The following RIT2 variants were observed in gnomAD, a reference collection of about 807,000 sequenced individuals.
The protein encoded by RIT2 is Ras like without CAAX 2.
A neutral mutation model predicts 23.7 loss-of-function variants in RIT2; 24 were observed. The ratio of observed to expected loss-of-function variants is 1.01; its 90% confidence interval spans 0.73 to 1.43. RIT2 has a LOEUF of 1.43. Ranked by LOEUF, RIT2 falls within the 40% of genes most tolerant of loss-of-function variation. The pLI, the probability that RIT2 is intolerant of heterozygous loss-of-function variation, is 0.00. For synonymous variants in RIT2, 107 were observed against 91.1 expected (o/e 1.17, Z -0.99); for missense variants, 236 against 266.9 (o/e 0.88, Z 0.81).
chr18:42,788,255 T>C lies in RIT2; in HGVS notation c.427-44535A>G, dbSNP rs1183585991. On this transcript the variant is annotated intron_variant, in intron 4 of 4. Transcript: ENST00000326695. The stretch of plus-strand genomic sequence containing the variant: ...GCTAATATATTGTTTAGTTAAAATA[T>C]ACGGAGAAAATCTGAGATCACACAG... Among the ~76,000 whole-genome samples the C allele has an allele frequency of 2.0e-5, 3 of 152,302 alleles. No homozygotes were observed. In the East Asian group the frequency reaches 5.8e-4, roughly 29 times the overall value.
chr18:42,756,823 G>A (rs1477451821), intron 4 of RIT2, among the ~76,000 whole-genome samples: 1 of 151,548 alleles, frequency 6.6e-6, no homozygotes, highest in Non-Finnish European at 1.5e-5. Flanking sequence ...GCCTAAAAAT[G>A]TACTCTTTGA....
At chr18:42,890,471 A>T (rs1598701938) in intron 4 of RIT2, among the ~76,000 whole-genome samples, 1 of 142,470 alleles carries the variant, frequency 7.0e-6, no homozygotes, top group South Asian at 2.6e-4. Context: ...ACAGAAGGAA[A>T]GAAGGAAAAG....
At chr18:42,985,043 T>C (rs1395235992) in intron 2 of RIT2, among the ~76,000 whole-genome samples, 3 of 152,036 alleles carry the variant, frequency 2.0e-5, no homozygotes, top group African/African-American at 4.8e-5. Flanking sequence ...AAAGAAGCTA[T>C]AGAAAAACTA....
intron 3 of RIT2, among the ~76,000 whole-genome samples, chr18:42,931,324 C>T (rs535843031): frequency 1.7e-4 from 26 of 152,180 alleles, no homozygotes; most frequent in African/African-American, 5.1e-4. Context: ...ATGGATAAAG[C>T]TTTTAGTTAC....
At chr18:42,974,009 A>C (rs971652350) in intron 3 of RIT2, 65 bp downstream of exon 3, 30 of 1,021,554 alleles carry the variant, frequency 2.9e-5, no homozygotes, top group Non-Finnish European at 3.6e-5. Context: ...CTTTGTTGTA[A>C]ATATATTTGA....
intron 3 of RIT2, among the ~76,000 whole-genome samples, chr18:42,950,218 T>C (rs1909817669): frequency 6.6e-6 from 1 of 151,954 alleles, no homozygotes; most frequent in Non-Finnish European, 1.5e-5. Context: ...AATAGACAAA[T>C]GGAACAGGAT....
chr18:42,751,335 G>A (rs1478891636), intron 4 of RIT2, among the ~76,000 whole-genome samples: 2 of 151,592 alleles, frequency 1.3e-5, no homozygotes, highest in Admixed American at 6.6e-5. Flanking sequence ...ATGTTTAGTT[G>A]TATATCTATA....
At chr18:42,958,716 C>T (rs1910031335) in intron 3 of RIT2, among the ~76,000 whole-genome samples, 3 of 152,164 alleles carry the variant, frequency 2.0e-5, no homozygotes, top group Non-Finnish European at 4.4e-5. Context: ...AATCCTGTCT[C>T]TACATCTGAA....
chr18:43,094,749 T>C (rs1034693111), intron 1 of RIT2, among the ~76,000 whole-genome samples: 2 of 151,996 alleles, frequency 1.3e-5, no homozygotes, highest in Non-Finnish European at 2.9e-5. Context: ...GGTACATTGT[T>C]TTAAAACATA....
chr18:42,855,516 A>C (rs1304176886), intron 4 of RIT2, among the ~76,000 whole-genome samples: 12 of 152,222 alleles, frequency 7.9e-5, no homozygotes, highest in Admixed American at 7.8e-4. Flanking sequence ...GAGAACAGAA[A>C]ATGGAATAAA....
intron 4 of RIT2, among the ~76,000 whole-genome samples, chr18:42,821,779 T>G (rs1428555942): frequency 6.6e-6 from 1 of 152,148 alleles, no homozygotes; most frequent in Non-Finnish European, 1.5e-5. Flanking sequence ...TTACAGATTA[T>G]CTGCATAGCA....
At chr18:42,759,118 A>G (rs1316930810) in intron 4 of RIT2, among the ~76,000 whole-genome samples, 1 of 152,116 alleles carries the variant, frequency 6.6e-6, no homozygotes, top group Non-Finnish European at 1.5e-5. Context: ...TCTCTGGGGA[A>G]CCCTGAGTGA....
rs921320172 is a variant in RIT2, at chr18:43,064,116, T to C, written c.104-30249A>G. On this transcript the variant is annotated intron_variant, in intron 1 of 4. Transcript: ENST00000326695. ...CAATAAGGTCTGATAAAGTAATAGA[T>C]GGATGCCCTCATAAGGAGATCACAA... Among the ~76,000 whole-genome samples, 3 of 152,196 alleles carry C rather than the reference T, an allele frequency of 2.0e-5. No individual in the cohort carries two copies. In the East Asian group the frequency reaches 5.8e-4, roughly 29 times the overall value.
intron 4 of RIT2, among the ~76,000 whole-genome samples, chr18:42,804,485 G>A (rs1204795391): frequency 1.3e-5 from 2 of 150,390 alleles, no homozygotes; most frequent in Non-Finnish European, 2.9e-5. Flanking sequence ...AACCCAGGAG[G>A]CGGAGATTGC....
chr18:42,753,345 C>T (rs1419535761), intron 4 of RIT2, among the ~76,000 whole-genome samples: 6 of 152,096 alleles, frequency 3.9e-5, no homozygotes, highest in Non-Finnish European at 8.8e-5. Context: ...GCCTAATAAG[C>T]TATATAATTC....
intron 3 of RIT2, among the ~76,000 whole-genome samples, chr18:42,968,968 G>A (rs1910300934): frequency 6.6e-6 from 1 of 152,014 alleles, no homozygotes; most frequent in African/African-American, 2.4e-5. Flanking sequence ...ATATGAATTT[G>A]AAAATTGGGA....
chr18:43,109,576 T>C (rs1913905522), intron 1 of RIT2, among the ~76,000 whole-genome samples: 1 of 152,202 alleles, frequency 6.6e-6, no homozygotes, highest in South Asian at 2.1e-4. Context: ...ATAATTTAAA[T>C]ACCATCTATG....
chr18:42,896,631 T>C (rs561159943), intron 4 of RIT2, among the ~76,000 whole-genome samples: 9 of 152,328 alleles, frequency 5.9e-5, no homozygotes, highest in African/African-American at 2.2e-4. Flanking sequence ...TTCTGCATCC[T>C]CTTTTCAGTC....
intron 4 of RIT2, among the ~76,000 whole-genome samples, chr18:42,907,905 CA>C (rs1908665125): frequency 6.6e-6 from 1 of 151,202 alleles, no homozygotes; most frequent in Admixed American, 6.6e-5. Flanking sequence ...TGCTTGAGCC[CA>C]AGATATAGAG....
Sources: allele counts gnomAD v4.1 joint callset (sites outside exome capture counted in the v4.1 genomes callset), GRCh38; gene constraint gnomAD v4.1.1; transcripts MANE v1.5; gene names NCBI Gene and HGNC (gene_info 2026-07-23, HGNC 2026-07-21).